PHF24: variants seen among roughly 807,000 people sequenced by gnomAD.
PHF24 encodes the protein PHD finger protein 24.
A neutral mutation model predicts 42.6 loss-of-function variants in PHF24; 25 were observed. That is an observed-to-expected ratio of 0.59 (90% confidence interval 0.43 to 0.82). The LOEUF (loss-of-function observed/expected upper bound fraction) is 0.82, where lower values mean the gene tolerates loss of function less well. Among genes scored for constraint, PHF24 ranks in the 40% least tolerant of loss-of-function variants. PHF24 has a pLI of 0.00. For missense variants in PHF24, 470 were observed against 538.1 expected, an observed-to-expected ratio of 0.87 and a Z score of 1.25; for synonymous variants, 185 against 204.8, an observed-to-expected ratio of 0.90 and a Z score of 0.83.
chr9:34,811,429 G>A, the PHF24 span, among the ~76,000 whole-genome samples: 35 of 152,124 alleles, frequency 2.3e-4, no homozygotes, highest in Non-Finnish European at 3.5e-4. Context: ...CATGGCAGGG[G>A]GTTTGTTATA....
At chr9:34,956,776 G>A (rs1826385031), upstream of PHF24, among the ~76,000 whole-genome samples, 1 of 152,230 alleles carries the variant, frequency 6.6e-6, no homozygotes, top group Non-Finnish European at 1.5e-5. Flanking sequence ...CTGCTTTTTA[G>A]TGCTAGTTTC....
chr9:34,702,012 T>C, the PHF24 span, among the ~76,000 whole-genome samples: 1 of 152,044 alleles, frequency 6.6e-6, no homozygotes, highest in Non-Finnish European at 1.5e-5. Flanking sequence ...ACACCACTCA[T>C]TACGGGGCCA....
the PHF24 span, among the ~76,000 whole-genome samples, chr9:34,768,808 T>TA: frequency 6.6e-6 from 1 of 151,654 alleles, no homozygotes; most frequent in African/African-American, 2.4e-5. Context: ...AAAATGAAAG[T>TA]AAAACTGTCA....
At chr9:34,916,750 G>A in the PHF24 span, among the ~76,000 whole-genome samples, 1 of 152,178 alleles carries the variant, frequency 6.6e-6, no homozygotes, top group East Asian at 1.9e-4. Flanking sequence ...TGGTTTGTTT[G>A]TGTGGTAAGT....
At chr9:34,876,664 AAAAAAAAG>A in the PHF24 span, among the ~76,000 whole-genome samples, 1 of 152,004 alleles carries the variant, frequency 6.6e-6, no homozygotes, top group Admixed American at 6.6e-5. Context: ...GACTATTATT[AAAAAAAAG>A]AAAGAAAGAA....
chr9:34,956,207 T>A (rs185696579), upstream of PHF24, among the ~76,000 whole-genome samples: 1 of 152,194 alleles, frequency 6.6e-6, no homozygotes, highest in Non-Finnish European at 1.5e-5. Flanking sequence ...TTACTCTTAT[T>A]TGCACCCTTT....
the PHF24 span, among the ~76,000 whole-genome samples, chr9:34,875,853 C>T: frequency 6.6e-6 from 1 of 151,592 alleles, no homozygotes; most frequent in East Asian, 1.9e-4. Flanking sequence ...CCCAGCCTCT[C>T]ATTTCAAGAA....
At chr9:34,879,359 G>A in the PHF24 span, among the ~76,000 whole-genome samples, 1 of 152,204 alleles carries the variant, frequency 6.6e-6, no homozygotes, top group South Asian at 2.1e-4. Flanking sequence ...GACAGAGAAT[G>A]ACTTTGATGA....
intron 1 of PHF24, among the ~76,000 whole-genome samples, chr9:34,962,045 T>C (rs181658313): frequency 1.8e-4 from 28 of 152,358 alleles, no homozygotes; most frequent in African/African-American, 6.3e-4. Context: ...AGTTTCCTGT[T>C]GGGTCCTAAG....
the PHF24 span, chr9:34,728,163 G>T: frequency 1.6e-6 from 2 of 1,286,670 alleles, no homozygotes; most frequent in South Asian, 1.4e-5. Context: ...TAAGGCCTTT[G>T]ACTCTCATCA....
At chr9:34,897,792 G>A in the PHF24 span, among the ~76,000 whole-genome samples, 1 of 152,114 alleles carries the variant, frequency 6.6e-6, no homozygotes, top group Non-Finnish European at 1.5e-5. Flanking sequence ...AGTATACACT[G>A]CACCCTATTT....
chr9:34,805,095 T>G, the PHF24 span, among the ~76,000 whole-genome samples: 1 of 152,268 alleles, frequency 6.6e-6, no homozygotes, highest in African/African-American at 2.4e-5. Context: ...ATATTTTGTT[T>G]ATCCATTTAT....
At chr9:34,801,705 C>T in the PHF24 span, among the ~76,000 whole-genome samples, 13 of 151,752 alleles carry the variant, frequency 8.6e-5, no homozygotes, top group African/African-American at 2.2e-4. Flanking sequence ...CCAGCCTGAG[C>T]GACAGAGTGA....
the PHF24 span, among the ~76,000 whole-genome samples, chr9:34,885,908 C>T: frequency 7.9e-5 from 12 of 151,856 alleles, no homozygotes; most frequent in South Asian, 2.1e-4. Context: ...ACACCCAGCT[C>T]TCTGGCTTTG....
chr9:34,932,766 AAT>A, the PHF24 span, among the ~76,000 whole-genome samples: 4 of 151,572 alleles, frequency 2.6e-5, no homozygotes, highest in Admixed American at 6.6e-5. Flanking sequence ...ATATAAAATT[AAT>A]AGTTTATAAA....
chr9:34,958,107 C>T (rs1199457875), upstream of PHF24, among the ~76,000 whole-genome samples: 21 of 149,226 alleles, frequency 1.4e-4, no homozygotes, highest in East Asian at 3.9e-3. This position sits in a 1 kb window ranked among gnomAD's most constrained non-coding sequence, Gnocchi z 4.5. Flanking sequence ...GCGAGGGCGT[C>T]TCCTGGAGGC....
the PHF24 span, chr9:34,894,338 C>T: frequency 2.5e-6 from 1 of 397,266 alleles, no homozygotes. Context: ...TGTATGTCTC[C>T]CTCCCATCCA....
At chr9:34,843,611 T>C in the PHF24 span, among the ~76,000 whole-genome samples, 1 of 152,236 alleles carries the variant, frequency 6.6e-6, no homozygotes. Flanking sequence ...GGATTTTAAT[T>C]GGGATTGGGT....
At chr9:34,954,161 C>A (rs1037225400), upstream of PHF24, among the ~76,000 whole-genome samples, 1 of 152,100 alleles carries the variant, frequency 6.6e-6, no homozygotes, top group African/African-American at 2.4e-5. Context: ...CAAACAAACA[C>A]ACACACACAC....
Sources: gnomAD v4.1 joint callset for allele counts (sites outside exome capture counted in the v4.1 genomes callset) on GRCh38, gnomAD v4.1.1 for gene constraint, Gnocchi (gnomAD v3.1) non-coding constraint, MANE v1.5 for transcripts, NCBI Gene and HGNC (gene_info 2026-07-23, HGNC 2026-07-21) for gene names.